Variants in FDX1 observed in about 807,000 individuals in gnomAD.
FDX1 encodes the protein ferredoxin 1, also known as adrenodoxin, mitochondrial.
A neutral mutation model predicts 14.9 loss-of-function variants in FDX1; 9 were observed. That is an observed-to-expected ratio of 0.60 (90% CI 0.36 to 1.05). The LOEUF is 1.05. Ranked by LOEUF, FDX1 falls within the 50% of genes least tolerant of loss-of-function variation. The probability of loss-of-function intolerance (pLI) is 0.01; values close to 1 mark genes in which losing one functional copy is unlikely to be tolerated. For missense variants in FDX1, 204 were observed against 237.2 expected, an observed-to-expected ratio of 0.86 and a Z score of 0.92; for synonymous variants, 92 against 99.4, an observed-to-expected ratio of 0.93 and a Z score of 0.44.
At chr11:110,443,576 G>A (rs1214929098) in intron 2 of FDX1, among the ~76,000 whole-genome samples, 1 of 151,790 alleles carries the variant, frequency 6.6e-6, no homozygotes, top group African/African-American at 2.4e-5. Flanking sequence ...GAGTAGCTGG[G>A]ATTACAGGTG....
Position 110,429,979 on chromosome 11 carries a change from G to A in FDX1, c.-142G>A, listed in dbSNP as rs913657283. ...AACCTCGGCGCGGTGCTTCCAGCAG[G>A]GTCTCTCCGCCACTCCAGCCCCGCG... On this transcript the variant is annotated 5_prime_UTR_variant, in exon 1 of 4. Coordinates refer to ENST00000260270, the MANE Select transcript of FDX1 (RefSeq NM_004109.5). 3 of 469,028 alleles carry A rather than the reference G, an allele frequency of 6.4e-6. No individual in the cohort carries two copies. Among genetic ancestry groups the A allele is most frequent in the Non-Finnish European group, 9.9e-6 (3 of 303,978 alleles). The allele number at this position is 469,028 out of a possible 1,614,324, so 29.1% of individuals were successfully genotyped here. A position where few individuals can be genotyped will look rare whatever the true frequency, so the allele number is the denominator to read the frequency against.
In FDX1 at chr11:110,463,933, G is replaced by A. The variant is rs894706101; in HGVS notation, c.*1465G>A. 1 of 150,272 alleles carries A rather than the reference G, an allele frequency of 6.7e-6. No homozygotes were observed. The highest frequency in any genetic ancestry group is 1.9e-4 in the East Asian group (1 of 5,156). The allele number at this position is 150,272 out of a possible 1,614,324, so 9.3% of individuals were successfully genotyped here. On this transcript the variant is annotated 3_prime_UTR_variant, in exon 4 of 4. Transcript: ENST00000260270. ...TTTTTTTTTGGTGGGGGGAGCGGGG[G>A]ACAGGGTCTTACTCTGTCACTCAGG...
At chr11:110,455,072 T>C (rs945351368) in intron 2 of FDX1, among the ~76,000 whole-genome samples, 2 of 152,236 alleles carry the variant, frequency 1.3e-5, no homozygotes, top group African/African-American at 2.4e-5. Flanking sequence ...AGTGGGGCAA[T>C]CTCGGCTCAC....
At chr11:110,462,214 G>T in intron 3 of FDX1, 140 bp from the exon 4 acceptor site, 1 of 476,790 alleles carries the variant, frequency 2.1e-6, no homozygotes, top group South Asian at 5.0e-5. Flanking sequence ...TATCTGTTTT[G>T]ACATAAAGGA....
At chr11:110,433,087 G>T (rs530497495) in intron 1 of FDX1, among the ~76,000 whole-genome samples, 1 of 152,342 alleles carries the variant, frequency 6.6e-6, no homozygotes, top group East Asian at 1.9e-4. Context: ...AAGAGATTTC[G>T]AATTCCTTTG....
intron 2 of FDX1, 52 bp from the exon 3 acceptor site, chr11:110,456,866 T>C: frequency 6.4e-7 from 1 of 1,550,512 alleles, no homozygotes; most frequent in South Asian, 1.2e-5. Context: ...GAACCAGGTA[T>C]GAATCGTCTG....
chr11:110,429,869 G>A (rs553332851), upstream of FDX1: 203 of 320,340 alleles, frequency 6.3e-4, 2 homozygotes, highest in South Asian at 0.028. Context: ...CCGCCCCATG[G>A]GACCGGGCGG....
chr11:110,440,663 G>A (rs953764788), intron 2 of FDX1, among the ~76,000 whole-genome samples: 11 of 152,098 alleles, frequency 7.2e-5, no homozygotes, highest in African/African-American at 2.7e-4. Context: ...ATTTAGTGAT[G>A]GTGTGGTACT....
chr11:110,442,057 G>T (rs771928018), intron 2 of FDX1, among the ~76,000 whole-genome samples: 1 of 152,218 alleles, frequency 6.6e-6, no homozygotes, highest in Non-Finnish European at 1.5e-5. Flanking sequence ...GCTTCCATGT[G>T]GTATTGAGCC....
intron 2 of FDX1, among the ~76,000 whole-genome samples, chr11:110,442,115 G>C (rs1271189326): frequency 6.6e-6 from 1 of 152,244 alleles, no homozygotes; most frequent in African/African-American, 2.4e-5. Flanking sequence ...CCTCCGCCTA[G>C]ATTTCAGAGG....
intron 1 of FDX1, among the ~76,000 whole-genome samples, chr11:110,434,731 T>C (rs1484234972): frequency 7.6e-6 from 1 of 131,668 alleles, no homozygotes; most frequent in Non-Finnish European, 1.6e-5. Flanking sequence ...TTTTGTTTTT[T>C]TTTTTTTTTT....
chr11:110,443,841 A>G (rs1946420974), intron 2 of FDX1, among the ~76,000 whole-genome samples: 1 of 149,388 alleles, frequency 6.7e-6, no homozygotes, highest in African/African-American at 2.5e-5. Flanking sequence ...CATTTTTTTC[A>G]TGTTTGTTGG....
intron 2 of FDX1, among the ~76,000 whole-genome samples, chr11:110,443,262 CT>C (rs1166451607): frequency 1.3e-5 from 2 of 151,306 alleles, no homozygotes; most frequent in Non-Finnish European, 2.9e-5. Flanking sequence ...ATCTTTACCC[CT>C]GCCCTGCCCC....
intron 1 of FDX1, among the ~76,000 whole-genome samples, chr11:110,430,664 T>C (rs1489388420): frequency 1.3e-5 from 2 of 152,212 alleles, no homozygotes; most frequent in African/African-American, 2.4e-5. Context: ...TGACCTTTGC[T>C]CTGCCCGAAA....
At chr11:110,446,763 G>C (rs767201944) in intron 2 of FDX1, among the ~76,000 whole-genome samples, 1 of 152,148 alleles carries the variant, frequency 6.6e-6, no homozygotes, top group African/African-American at 2.4e-5. Flanking sequence ...CCCTACAGTC[G>C]GCACGAGGGG....
chr11:110,434,273 C>T (rs10789763), intron 1 of FDX1, among the ~76,000 whole-genome samples: 49,194 of 151,194 alleles, frequency 0.33, 8,118 homozygotes, highest in East Asian at 0.39. Flanking sequence ...CAGAAAACTA[C>T]TAAACAACAT....
In FDX1 at chr11:110,444,680, A is replaced by G. The variant is rs1312322861; in HGVS notation, c.310+8722A>G. On this transcript the variant is annotated intron_variant, in intron 2 of 3. Coordinates refer to ENST00000260270, the MANE Select transcript of FDX1 (RefSeq NM_004109.5). ...TATATATATACGTATATATATATAT[A>G]TATACACGTATATATATATATATAC... is the stretch of plus-strand genomic sequence containing the variant. 4.0e-3 allele frequency among the ~76,000 whole-genome samples: 288 copies of G among 72,892 alleles called. 15 individuals carry two copies. The highest frequency in any genetic ancestry group is 0.017 in the African/African-American group (249 of 14,836). 47.8% of individuals were successfully genotyped at this position (72,892 alleles called of 152,430 possible).
At chr11:110,449,174 A>C (rs918290056) in intron 2 of FDX1, among the ~76,000 whole-genome samples, 2 of 152,262 alleles carry the variant, frequency 1.3e-5, no homozygotes, top group Non-Finnish European at 2.9e-5. Context: ...GTCATGATAC[A>C]TACTACTGTT....
chr11:110,434,334 ATTTTTTT>A (rs1555068018), intron 1 of FDX1, among the ~76,000 whole-genome samples: 1 of 126,408 alleles, frequency 7.9e-6, no homozygotes, highest in East Asian at 2.4e-4. Context: ...CGCCCTATTG[ATTTTTTT>A]TTTTTTTTTT....
Sources: allele counts gnomAD v4.1 joint callset (sites outside exome capture counted in the v4.1 genomes callset), GRCh38; gene constraint gnomAD v4.1.1; transcripts MANE v1.5; gene names NCBI Gene and HGNC (gene_info 2026-07-23, HGNC 2026-07-21).